Variants in JHY observed in about 807,000 individuals in gnomAD.
The protein encoded by JHY is junctional cadherin complex regulator.
Under a neutral mutation model 78.0 loss-of-function variants are expected in JHY, and 69 were observed. The ratio of observed to expected loss-of-function variants is 0.88; its 90% CI spans 0.73 to 1.08. The LOEUF (loss-of-function observed/expected upper bound fraction) is 1.08. Among genes scored for constraint, JHY ranks in the 50% least tolerant of loss-of-function variants. JHY has a pLI of 0.00. For missense variants in JHY, 944 were observed against 927.8 expected (o/e 1.02, Z -0.23); for synonymous variants, 368 against 342.6 (o/e 1.07, Z -0.82).
chr11:122,887,901 C>T (rs1468514578), intron 2 of JHY, among the ~76,000 whole-genome samples: 1 of 152,130 alleles, frequency 6.6e-6, no homozygotes, highest in Admixed American at 6.5e-5. Context: ...AACCATCCTA[C>T]CACAGATGAG....
At chr11:122,939,112 T>A (rs1863817553) in intron 5 of JHY, among the ~76,000 whole-genome samples, 1 of 151,708 alleles carries the variant, frequency 6.6e-6, no homozygotes, top group African/African-American at 2.4e-5. Flanking sequence ...CTCAGCCTCC[T>A]GAGCAGCTGG....
Position 122,914,750 on chromosome 11 carries a change from G to A in JHY, c.865-10147G>A, listed in dbSNP as rs535260369. Among the ~76,000 whole-genome samples, 3 of 152,072 alleles carry A rather than the reference G, an allele frequency of 2.0e-5. No individual in the cohort carries two copies. In the East Asian group the frequency reaches 5.8e-4, roughly 29 times the overall value. ...GAGCCACCACACCCGGCCTGGTGGT[G>A]CTTTTGAGTCCCACCTATCCTATTA... On this transcript the variant is annotated intron_variant, in intron 3 of 8. Transcript: ENST00000227349.
chr11:122,904,552 C>T lies in JHY; in HGVS notation c.864+108C>T. 4 of 1,283,158 alleles carry T rather than the reference C, an allele frequency of 3.1e-6. No individual in the cohort carries two copies. In the South Asian group the frequency reaches 5.9e-5, roughly 19 times the overall value. 79.5% of individuals were successfully genotyped at this position (1,283,158 alleles called of 1,614,324 possible). On this transcript the variant is annotated intron_variant, in intron 3 of 8. Transcript: ENST00000227349. ...TTTAAGATGACGATGTCATAGCAGCCACCTAGCTGGGTAAAACAAACGCTT... is the reference window on the plus strand; with the variant it reads ...TTTAAGATGACGATGTCATAGCAGCTACCTAGCTGGGTAAAACAAACGCTT...
chr11:122,904,026 A>T lies in JHY; in HGVS notation c.446A>T (p.Glu149Val). Residue 149 changes from glutamate (E) to valine (V), a missense_variant, in exon 3 of 9, where the codon GAG becomes GTG. By Grantham distance (121) the Glu-to-Val change is moderately radical. Transcript: ENST00000227349. ...CTGCTGTCTGTGGAAGCGTTGCCGGAGTCCACGGACAGCTCTTTAGAAAAT... is the reference window on the plus strand; with the variant it reads ...CTGCTGTCTGTGGAAGCGTTGCCGGTGTCCACGGACAGCTCTTTAGAAAAT... ...GQLLSVEALPESTDSSLENLP... is the reference protein window; with the variant it reads ...GQLLSVEALPVSTDSSLENLP... 1 of 1,614,188 alleles carries T rather than the reference A, an allele frequency of 6.2e-7. No homozygotes were observed. The highest frequency in any genetic ancestry group is 2.2e-5 in the East Asian group (1 of 44,882).
chr11:122,954,561 G>A (rs1864153349), intron 6 of JHY, among the ~76,000 whole-genome samples: 1 of 152,144 alleles, frequency 6.6e-6, no homozygotes, highest in Non-Finnish European at 1.5e-5. Flanking sequence ...GTCTCTGGAC[G>A]ACCTCTGCTA....
chr11:122,956,433 G>T (rs1489678822), intron 6 of JHY, 63 bp from the exon 7 acceptor site: 17 of 1,398,820 alleles, frequency 1.2e-5, no homozygotes, highest in East Asian at 4.6e-5. Flanking sequence ...ACCTTACAGG[G>T]TGTTAGGAGT....
chr11:122,932,648 G>A (rs913881695), intron 4 of JHY, among the ~76,000 whole-genome samples: 2 of 152,168 alleles, frequency 1.3e-5, no homozygotes, highest in Non-Finnish European at 2.9e-5. Context: ...GTCAAGGGGG[G>A]CATTTTTGAC....
intron 2 of JHY, among the ~76,000 whole-genome samples, chr11:122,888,067 T>C (rs1862534075): frequency 6.6e-6 from 1 of 151,946 alleles, no homozygotes; most frequent in Non-Finnish European, 1.5e-5. Context: ...TTTTTTTCAC[T>C]GGGGCTATCT....
chr11:122,906,243 A>G (rs1326882817), intron 3 of JHY, among the ~76,000 whole-genome samples: 1 of 152,210 alleles, frequency 6.6e-6, no homozygotes, highest in Non-Finnish European at 1.5e-5. Flanking sequence ...GCTGGAATGC[A>G]ATCGCACGAT....
chr11:122,895,454 A>G (rs1338529988), intron 2 of JHY, among the ~76,000 whole-genome samples: 1 of 152,224 alleles, frequency 6.6e-6, no homozygotes, highest in Non-Finnish European at 1.5e-5. Flanking sequence ...TAATTTTAGT[A>G]ATTTTTTGAT....
chr11:122,934,405 A>G lies in JHY; in HGVS notation c.979-15A>G. ...CAGTCTTCTAATTTTACATTAACCA[A>G]AAATATCTCTTTAGAATTACCAGGA... is the stretch of plus-strand genomic sequence containing the variant. On this transcript the variant is annotated splice_polypyrimidine_tract_variant and intron_variant, in intron 4 of 8. Transcript: ENST00000227349. 6.7e-7 allele frequency: 1 copy of G among 1,495,834 alleles called. No homozygotes were observed. The highest frequency in any genetic ancestry group is 9.0e-7 in the Non-Finnish European group (1 of 1,116,308). 92.7% of individuals were successfully genotyped at this position (1,495,834 alleles called of 1,614,324 possible).
intron 8 of JHY, among the ~76,000 whole-genome samples, chr11:122,957,711 C>A (rs927700381): frequency 2.0e-5 from 3 of 150,292 alleles, no homozygotes; most frequent in Admixed American, 6.6e-5. Context: ...AAAAAAAAAA[C>A]CTTCCCATTT....
At position 122,904,099 on chromosome 11, in the gene JHY, C is replaced by A. The variant is rs1468323934; in HGVS notation, c.519C>A (p.Leu173=). The A allele has an allele frequency of 2.7e-5, 44 of 1,614,042 alleles. No homozygotes were observed. Among genetic ancestry groups the A allele is most frequent in the Non-Finnish European group, 3.5e-5 (41 of 1,180,044 alleles). ...LYPSQETSME[L]SGGKGEQKES... Reference sequence around the variant, plus strand: ...CTTCCCAGGAGACGTCAATGGAACTCTCCGGGGGAAAAGGCGAGCAGAAAG... The same window carrying A: ...CTTCCCAGGAGACGTCAATGGAACTATCCGGGGGAAAAGGCGAGCAGAAAG... The change falls in exon 3 of 9, where the codon CTC becomes CTA. Residue 173 remains leucine, a synonymous_variant. Coordinates refer to ENST00000227349, the MANE Select transcript of JHY (RefSeq NM_024806.4).
At chr11:122,955,135 G>C (rs1470920988) in intron 6 of JHY, among the ~76,000 whole-genome samples, 1 of 152,106 alleles carries the variant, frequency 6.6e-6, no homozygotes, top group Non-Finnish European at 1.5e-5. Flanking sequence ...TGTTGTTGTT[G>C]TTTTAAATAG....
At chr11:122,900,310 A>G (rs927576273) in intron 2 of JHY, among the ~76,000 whole-genome samples, 2 of 152,150 alleles carry the variant, frequency 1.3e-5, no homozygotes, top group Non-Finnish European at 2.9e-5. Flanking sequence ...AAGTAAATTA[A>G]CATTAGGGGG....
rs1055233303 is a variant in JHY, at chr11:122,923,815, T to C, written c.865-1082T>C. 6.6e-5 allele frequency among the ~76,000 whole-genome samples: 10 copies of C among 151,776 alleles called. 1 individual carries two copies. Among genetic ancestry groups the C allele is most frequent in the Admixed American group, 5.2e-4 (8 of 15,264 alleles). ...TGACAGCAACCTCCGCCTCCCAGGTTTAAGCAGTTATCTGCCTCAGCCTTC... is the reference window on the plus strand; with the variant it reads ...TGACAGCAACCTCCGCCTCCCAGGTCTAAGCAGTTATCTGCCTCAGCCTTC... On this transcript the variant is annotated intron_variant, in intron 3 of 8. Coordinates refer to ENST00000227349, the MANE Select transcript of JHY (RefSeq NM_024806.4).
intron 6 of JHY, among the ~76,000 whole-genome samples, chr11:122,948,442 T>TTAATGA (rs1340263411): frequency 4.2e-5 from 6 of 143,502 alleles, no homozygotes; most frequent in Non-Finnish European, 7.5e-5. Flanking sequence ...AAACTTTGTC[T>TTAATGA]TAATAATAAT....
In JHY at chr11:122,954,306, C is replaced by A. The variant is rs73015507; in HGVS notation, c.1930-2190C>A. Among the ~76,000 whole-genome samples the A allele has an allele frequency of 7.1e-3, 1,085 of 152,314 alleles. 15 individuals are homozygous for A. The highest frequency in any genetic ancestry group is 0.024 in the Middle Eastern group (7 of 294). On this transcript the variant is annotated intron_variant, in intron 6 of 8. Transcript: ENST00000227349. ...TTCCAAAATATACACTGTACCCCAG[C>A]AAACTTTTGCTTAGACTTCATGGGC... is the stretch of plus-strand genomic sequence containing the variant.
chr11:122,921,765 C>T (rs1863371090), intron 3 of JHY, among the ~76,000 whole-genome samples: 1 of 152,080 alleles, frequency 6.6e-6, no homozygotes, highest in Admixed American at 6.5e-5. Context: ...AGGCCGATCA[C>T]TTGAGTCCAT....
Sources: gnomAD v4.1 joint callset for allele counts (sites outside exome capture counted in the v4.1 genomes callset) on GRCh38, gnomAD v4.1.1 for gene constraint, MANE v1.5 for transcripts, NCBI Gene and HGNC (gene_info 2026-07-23, HGNC 2026-07-21) for gene names.